MET: variants seen among roughly 807,000 people sequenced by gnomAD.
The protein encoded by MET is hepatocyte growth factor receptor.
In MET, 48 loss-of-function variants were observed where a neutral mutation model predicts 133.1. The observed-to-expected ratio is 0.36, with a 90% CI of 0.29 to 0.46. MET has a LOEUF of 0.46. Among genes scored for constraint, MET ranks in the 20% least tolerant of loss-of-function variants. The probability of loss-of-function intolerance (pLI) is 1.00; values close to 1 mark genes in which losing one functional copy is unlikely to be tolerated. For synonymous variants in MET, 628 were observed against 616.5 expected, an observed-to-expected ratio of 1.02 and a Z score of -0.28; for missense variants, 1,442 against 1,695.9, an observed-to-expected ratio of 0.85 and a Z score of 2.63.
rs1186781402 is a variant in MET at position 116,771,928 on chromosome 7, A to T, written c.2967A>T (p.Val989=). Residue 989 remains valine (V), a synonymous_variant, in exon 14 of 21, where the codon GTA becomes GTT. Transcript: ENST00000397752. ...ATAGGCTTGTAAGTGCCCGAAGTGT[A>T]AGCCCAACTACAGAAATGGTTTCAA... ...HLDRLVSARS[V]SPTTEMVSNE... The T allele has an allele frequency of 6.2e-7, 1 of 1,613,942 alleles. No homozygotes were observed. Among genetic ancestry groups the T allele is most frequent in the Admixed American group, 1.7e-5 (1 of 59,992 alleles).
Position 116,699,050 on chromosome 7 carries a change from G to T in MET, c.-14-21G>T, listed in dbSNP as rs368863750. 7 of 1,613,418 alleles carry T rather than the reference G, an allele frequency of 4.3e-6. No individual in the cohort carries two copies. The East Asian group carries it at 1.3e-4, about 31-fold the overall frequency. On this transcript the variant is annotated intron_variant, in intron 1 of 20. Transcript: ENST00000397752. ...CATTTCTGACAACTGAACTGCTCTC[G>T]CCTTGAACCTGTTTTGGCAGATAAA...
intron 11 of MET, among the ~76,000 whole-genome samples, 162 bp from the exon 12 acceptor site, chr7:116,769,483 C>G (rs979310895): frequency 6.6e-6 from 1 of 152,158 alleles, no homozygotes; most frequent in Non-Finnish European, 1.5e-5. Context: ...TCATGCTCCC[C>G]TTTAGCCATC....
In MET at chr7:116,797,489, C is replaced by T; in HGVS notation, c.*1365C>T. On this transcript the variant is annotated 3_prime_UTR_variant, in exon 21 of 21. Coordinates refer to ENST00000397752, the MANE Select transcript of MET (RefSeq NM_000245.4). ...CAATTGAAAATCCCAGCTATTTCAC[C>T]TAGATGGAATAGCCACCCTGAGCAG... is the stretch of plus-strand genomic sequence containing the variant. 1 of 229,278 alleles carries T rather than the reference C, an allele frequency of 4.4e-6. No homozygotes were observed. The highest frequency in any genetic ancestry group is 6.3e-5 in the East Asian group (1 of 15,966). 14.2% of individuals were successfully genotyped at this position (229,278 alleles called of 1,614,324 possible).
At chr7:116,736,995 A>G (rs1194104749) in intron 3 of MET, among the ~76,000 whole-genome samples, 1 of 152,242 alleles carries the variant, frequency 6.6e-6, no homozygotes, top group Non-Finnish European at 1.5e-5. Flanking sequence ...TCGATTATTT[A>G]GAATCCTAGC....
chr7:116,777,468 C>T lies in MET; in HGVS notation c.3339C>T (p.Asn1113=), dbSNP rs1214629015. The change falls in exon 16 of 21, where the codon AAC becomes AAT. Residue 1113 remains asparagine (N), a splice_region_variant and synonymous_variant. Coordinates refer to ENST00000397752, the MANE Select transcript of MET (RefSeq NM_000245.4). The part of the protein sequence containing the change: ...KKIHCAVKSL[N]RITDIGEVSQ... ...TTCACTGTGCTGTGAAATCCTTGAA[C>T]AGTAAGTGGCATTTTATTTAACCAT... 3 of 1,613,644 alleles carry T rather than the reference C, an allele frequency of 1.9e-6. No individual in the cohort carries two copies. The South Asian group carries it at 3.3e-5, about 18-fold the overall frequency.
chr7:116,698,490 T>C (rs926789863), intron 1 of MET, among the ~76,000 whole-genome samples: 3 of 152,210 alleles, frequency 2.0e-5, no homozygotes, highest in Non-Finnish European at 2.9e-5. Context: ...AACCATACCA[T>C]TCCTCTCCAC....
intron 5 of MET, among the ~76,000 whole-genome samples, chr7:116,745,784 A>G (rs1793650709): frequency 1.3e-5 from 2 of 152,240 alleles, no homozygotes; most frequent in Admixed American, 6.5e-5. Flanking sequence ...TTTATTCAAG[A>G]TGGATTAAAG....
chr7:116,766,953 CT>C (rs375700371), intron 11 of MET, among the ~76,000 whole-genome samples: 1 of 152,254 alleles, frequency 6.6e-6, no homozygotes, highest in African/African-American at 2.4e-5. Context: ...AGTTCTGAAG[CT>C]GTCTGTGAGG....
chr7:116,781,250 C>G (rs1365903813), intron 17 of MET, among the ~76,000 whole-genome samples: 1 of 152,194 alleles, frequency 6.6e-6, no homozygotes, highest in Non-Finnish European at 1.5e-5. Context: ...CTCTCTCTCT[C>G]TGCCTCTAGA....
intron 15 of MET, among the ~76,000 whole-genome samples, chr7:116,775,357 C>T (rs929297936): frequency 4.6e-5 from 7 of 152,164 alleles, no homozygotes; most frequent in Non-Finnish European, 8.8e-5. Flanking sequence ...AATTCGTCCT[C>T]GTCCTGTGTG....
At chr7:116,709,391 T>C (rs941557918) in intron 2 of MET, among the ~76,000 whole-genome samples, 1 of 152,228 alleles carries the variant, frequency 6.6e-6, no homozygotes, top group Non-Finnish European at 1.5e-5. Flanking sequence ...AAGAAATCTA[T>C]GTGTTCACAC....
chr7:116,772,349 A>G (rs545450460), intron 14 of MET, among the ~76,000 whole-genome samples: 5 of 152,352 alleles, frequency 3.3e-5, no homozygotes, highest in Non-Finnish European at 7.4e-5. Flanking sequence ...TGGAACTGCT[A>G]CATTTTTTAC....
intron 2 of MET, among the ~76,000 whole-genome samples, chr7:116,718,103 A>C (rs2116694815): frequency 6.6e-6 from 1 of 152,322 alleles, no homozygotes; most frequent in East Asian, 1.9e-4. Flanking sequence ...ATAATAAAAC[A>C]GGAGGCAGGG....
At chr7:116,791,808 GCATGAGCCAC>G (rs1562939781) in intron 19 of MET, among the ~76,000 whole-genome samples, 1 of 152,086 alleles carries the variant, frequency 6.6e-6, no homozygotes, top group African/African-American at 2.4e-5. Flanking sequence ...GGGATTGCAG[GCATGAGCCAC>G]CATGCCCAGC....
chr7:116,717,014 G>A (rs1562893884), intron 2 of MET, among the ~76,000 whole-genome samples: 1 of 152,208 alleles, frequency 6.6e-6, no homozygotes, highest in South Asian at 2.1e-4. Flanking sequence ...TGAAGCCATA[G>A]GGCAGGATTA....
chr7:116,732,095 T>C (rs1033093453), intron 3 of MET, among the ~76,000 whole-genome samples: 1 of 152,222 alleles, frequency 6.6e-6, no homozygotes, highest in African/African-American at 2.4e-5. Context: ...AATTTTCTCG[T>C]CCAGAATGGT....
chr7:116,754,983 G>GGAAGGAAA (rs1794103789), intron 5 of MET, among the ~76,000 whole-genome samples: 1 of 78,632 alleles, frequency 1.3e-5, no homozygotes, highest in Non-Finnish European at 2.6e-5. Context: ...AGCAGAGAAA[G>GGAAGGAAA]GAAAGAAAGA....
rs1795682838 is a variant in MET, at chr7:116,796,483, G to A, written c.*359G>A. 4.7e-6 allele frequency: 2 copies of A among 428,466 alleles called. No homozygotes were observed. The highest frequency in any genetic ancestry group is 8.6e-6 in the Non-Finnish European group (2 of 231,368). 26.5% of individuals were successfully genotyped at this position (428,466 alleles called of 1,614,324 possible). A position where few individuals can be genotyped will look rare whatever the true frequency, so the allele number is the denominator to read the frequency against. On this transcript the variant is annotated 3_prime_UTR_variant, in exon 21 of 21. Coordinates refer to ENST00000397752, the MANE Select transcript of MET (RefSeq NM_000245.4). ...CTTCTTGATCACAGAAAACTCAGAA[G>A]AGATAGTAATGCTCAGGACAGGAGC... is the stretch of plus-strand genomic sequence containing the variant.
Position 116,757,536 on chromosome 7 carries a change from T to G in MET, c.1962T>G (p.Tyr654Ter). ...HGTTQYSTFS[Y>*]VDPVITSISP... is the part of the protein sequence containing the mutation. ...CAACACAATACAGTACATTCTCCTA[T>G]GTGGTAAGGAAGATTCTATCCTATC... Residue 654 changes from tyrosine to a stop codon, truncating the protein, a stop_gained, in exon 7 of 21, where the codon TAT becomes TAG. Transcript: ENST00000397752. LOFTEE classifies it high-confidence loss of function. 1 of 1,613,402 alleles carries G rather than the reference T, an allele frequency of 6.2e-7. No individual in the cohort carries two copies. Among genetic ancestry groups the G allele is most frequent in the Non-Finnish European group, 8.5e-7 (1 of 1,179,388 alleles).
Sources: allele counts gnomAD v4.1 joint callset (sites outside exome capture counted in the v4.1 genomes callset), GRCh38; gene constraint gnomAD v4.1.1; transcripts MANE v1.5; gene names NCBI Gene and HGNC (gene_info 2026-07-23, HGNC 2026-07-21).